CNTN3: variants seen among roughly 807,000 people sequenced by gnomAD.
The protein encoded by CNTN3 is contactin 3.
A neutral mutation model predicts 119.1 loss-of-function variants in CNTN3; 60 were observed. That is an observed-to-expected ratio of 0.50 (90% confidence interval 0.41 to 0.62). The LOEUF (loss-of-function observed/expected upper bound fraction) is 0.62. Ranked by LOEUF, CNTN3 falls within the 20% of genes least tolerant of loss-of-function variation. The pLI, the probability that CNTN3 is intolerant of heterozygous loss-of-function variation, is 0.00. For synonymous variants in CNTN3, 450 were observed against 438.7 expected, an observed-to-expected ratio of 1.03 and a Z score of -0.32; for missense variants, 1,101 against 1,242.4, an observed-to-expected ratio of 0.89 and a Z score of 1.71.
Position 74,371,259 on chromosome 3 carries a change from T to C in CNTN3, c.595A>G (p.Thr199Ala). 2 of 1,613,516 alleles carry C rather than the reference T, an allele frequency of 1.2e-6. No individual in the cohort carries two copies. The highest frequency in any genetic ancestry group is 8.5e-7 in the Non-Finnish European group (1 of 1,179,694). ...SDVGNYTCVV[T>A]SMVTNARVLG... is the part of the protein sequence containing the mutation. ...ACTCGGGCATTTGTCACCATACTTG[T>C]CACCACACATGTGTAATTTCCCACA... The change falls in exon 6 of 23, where the codon ACA (threonine) becomes GCA (alanine). Residue 199 changes from threonine (T) to alanine (A), a missense_variant. Thr to Ala is a moderately conservative substitution (Grantham distance 58). Coordinates refer to ENST00000263665, the MANE Select transcript of CNTN3 (RefSeq NM_020872.3).
intron 4 of CNTN3, among the ~76,000 whole-genome samples, chr3:74,459,372 T>A (rs1241490159): frequency 6.6e-6 from 1 of 151,964 alleles, no homozygotes; most frequent in East Asian, 1.9e-4. Flanking sequence ...AAGGCCACCA[T>A]CATGAATTCA....
At chr3:74,318,707 T>G (rs1476817093) in intron 13 of CNTN3, among the ~76,000 whole-genome samples, 1 of 152,130 alleles carries the variant, frequency 6.6e-6, no homozygotes, top group Non-Finnish European at 1.5e-5. Context: ...GCCTGATCGT[T>G]CCTCTGGAAG....
intron 1 of CNTN3, among the ~76,000 whole-genome samples, chr3:74,595,908 T>C (rs1704799555): frequency 6.6e-6 from 1 of 152,166 alleles, no homozygotes; most frequent in Non-Finnish European, 1.5e-5. Flanking sequence ...TTGTCCCTGT[T>C]TGCAGACGAC....
chr3:74,282,762 T>C (rs1702038962), intron 20 of CNTN3, among the ~76,000 whole-genome samples: 1 of 152,208 alleles, frequency 6.6e-6, no homozygotes, highest in African/African-American at 2.4e-5. Context: ...ACAATATTAT[T>C]AATGGCTCTA....
intron 3 of CNTN3, among the ~76,000 whole-genome samples, chr3:74,488,697 T>C (rs1702905664): frequency 6.6e-6 from 1 of 152,218 alleles, no homozygotes; most frequent in South Asian, 2.1e-4. Context: ...TTTTTCTGTT[T>C]TCCTTCACAT....
chr3:74,403,835 G>GT (rs2106855139), intron 5 of CNTN3, among the ~76,000 whole-genome samples: 1 of 151,788 alleles, frequency 6.6e-6, no homozygotes, highest in African/African-American at 2.4e-5. Context: ...CTTTTTTTCT[G>GT]TTTTGTCTCT....
intron 1 of CNTN3, among the ~76,000 whole-genome samples, chr3:74,578,211 TA>T (rs1171638321): frequency 6.6e-6 from 1 of 152,030 alleles, no homozygotes; most frequent in Non-Finnish European, 1.5e-5. Flanking sequence ...ACTCTGGTTA[TA>T]AGATGTTTTT....
chr3:74,614,532 C>G lies in CNTN3; in HGVS notation c.-222G>C, dbSNP rs887095212. Among the ~76,000 whole-genome samples, 102 of 147,630 alleles carry G rather than the reference C, an allele frequency of 6.9e-4. No individual in the cohort carries two copies. Among genetic ancestry groups the G allele is most frequent in the Non-Finnish European group, 1.1e-3 (70 of 66,408 alleles). On this transcript the variant is annotated 5_prime_UTR_variant, in exon 1 of 23. Coordinates refer to ENST00000263665, the MANE Select transcript of CNTN3 (RefSeq NM_020872.3). ...GCGCGCCCGCGTAAGCCGCCGCCGC[C>G]GCAGGCGCAGCACCCTCGTCCGCAC...
intron 4 of CNTN3, among the ~76,000 whole-genome samples, chr3:74,475,612 G>C (rs1177353320): frequency 6.6e-6 from 1 of 152,172 alleles, no homozygotes; most frequent in East Asian, 1.9e-4. Context: ...TAGATAGAAG[G>C]AACGGTGGAA....
chr3:74,458,700 T>C (rs997208973), intron 4 of CNTN3, among the ~76,000 whole-genome samples: 3 of 151,974 alleles, frequency 2.0e-5, no homozygotes, highest in Non-Finnish European at 4.4e-5. Flanking sequence ...TAGGAGAGGT[T>C]TCACTACAAA....
intron 1 of CNTN3, among the ~76,000 whole-genome samples, chr3:74,552,985 G>A (rs1030016089): frequency 1.4e-4 from 21 of 152,000 alleles, no homozygotes; most frequent in Admixed American, 1.2e-3. Flanking sequence ...TGTGCAGAAC[G>A]TGCAGTTTTG....
intron 5 of CNTN3, among the ~76,000 whole-genome samples, chr3:74,423,863 G>A (rs1202361776): frequency 1.3e-5 from 2 of 152,168 alleles, no homozygotes; most frequent in Admixed American, 6.5e-5. Context: ...TCCTGAAGAT[G>A]GGAGATATCT....
intron 4 of CNTN3, among the ~76,000 whole-genome samples, chr3:74,442,146 T>TAA (rs1553662527): frequency 9.7e-5 from 12 of 124,054 alleles, no homozygotes; most frequent in Middle Eastern, 4.5e-3. Context: ...TGCATGCAAG[T>TAA]ACACACACAC....
At chr3:74,494,939 A>T (rs959876793) in intron 3 of CNTN3, among the ~76,000 whole-genome samples, 7 of 152,094 alleles carry the variant, frequency 4.6e-5, no homozygotes, top group Non-Finnish European at 2.9e-5. Context: ...AGCACTAAGG[A>T]TGTCAAGAAC....
At chr3:74,518,326 C>T (rs1703485381) in intron 2 of CNTN3, among the ~76,000 whole-genome samples, 1 of 151,916 alleles carries the variant, frequency 6.6e-6, no homozygotes. Context: ...AAAAGCAATT[C>T]AAGATTTAGT....
intron 1 of CNTN3, among the ~76,000 whole-genome samples, chr3:74,587,777 A>G (rs965410614): frequency 9.2e-5 from 14 of 152,058 alleles, no homozygotes; most frequent in Non-Finnish European, 1.5e-4. Context: ...CTAATTGAAT[A>G]CCCCTTATTT....
intron 1 of CNTN3, among the ~76,000 whole-genome samples, chr3:74,594,166 T>G (rs927802746): frequency 1.3e-5 from 2 of 151,470 alleles, no homozygotes; most frequent in African/African-American, 4.8e-5. Context: ...GTCTGTGTGG[T>G]CTTGTTAGGC....
intron 1 of CNTN3, among the ~76,000 whole-genome samples, chr3:74,597,637 G>A (rs192449517): frequency 6.6e-6 from 1 of 152,062 alleles, no homozygotes; most frequent in African/African-American, 2.4e-5. Context: ...TCAGGGATTT[G>A]TACTTTGCAT....
At chr3:74,290,851 C>T (rs1332762819) in intron 19 of CNTN3, among the ~76,000 whole-genome samples, 1 of 151,992 alleles carries the variant, frequency 6.6e-6, no homozygotes, top group Non-Finnish European at 1.5e-5. Context: ...GCCACTACGC[C>T]CGGCTAATTT....
Sources: gnomAD v4.1 joint callset for allele counts (sites outside exome capture counted in the v4.1 genomes callset) on GRCh38, gnomAD v4.1.1 for gene constraint, MANE v1.5 for transcripts, NCBI Gene and HGNC (gene_info 2026-07-23, HGNC 2026-07-21) for gene names.